DHX35: variants seen among roughly 807,000 people sequenced by gnomAD.
DHX35 encodes DEAH-box helicase 35.
Under a neutral mutation model 99.6 loss-of-function variants are expected in DHX35, and 84 were observed. That is an observed-to-expected ratio of 0.84 (90% CI 0.71 to 1.01). The LOEUF is 1.01. Ranked by LOEUF, DHX35 falls within the 50% of genes least tolerant of loss-of-function variation. The probability of loss-of-function intolerance (pLI) is 0.00; values close to 1 mark genes in which losing one functional copy is unlikely to be tolerated. For synonymous variants in DHX35, 331 were observed against 316.2 expected (o/e 1.05, Z -0.50); for missense variants, 852 against 888.5 (o/e 0.96, Z 0.52).
chr20:39,002,670 C>T (rs2086540570), intron 9 of DHX35, 102 bp from the exon 10 acceptor site: 7 of 999,142 alleles, frequency 7.0e-6, no homozygotes, highest in South Asian at 1.5e-5. Flanking sequence ...CTGGGCAGGC[C>T]CAAACTCACT....
chr20:38,967,979 C>T (rs182681955), intron 1 of DHX35, among the ~76,000 whole-genome samples: 28 of 152,212 alleles, frequency 1.8e-4, no homozygotes, highest in Admixed American at 1.6e-3. Flanking sequence ...GTCCCCCTTA[C>T]GTTGTCTTTA....
rs554008470 is a variant in DHX35, at chr20:39,023,422, G to A, written c.1594-268G>A. Among the ~76,000 whole-genome samples the A allele has an allele frequency of 1.6e-4, 25 of 152,068 alleles. No individual in the cohort carries two copies. The South Asian group carries it at 4.2e-3, about 25-fold the overall frequency. On this transcript the variant is annotated intron_variant, in intron 16 of 21. Coordinates refer to ENST00000252011, the MANE Select transcript of DHX35 (RefSeq NM_021931.4). ...CTCGCCCTGTTGCCTTGGTTGGAGC[G>A]CAGTGGTGCAAACATGGCTCCTGGG...
chr20:38,983,459 G>C (rs1488805133), intron 3 of DHX35, among the ~76,000 whole-genome samples: 1 of 152,206 alleles, frequency 6.6e-6, no homozygotes, highest in African/African-American at 2.4e-5. Flanking sequence ...TGGGGTGTCA[G>C]AATGCTGGAA....
intron 8 of DHX35, 106 bp downstream of exon 8, chr20:38,994,986 A>T: frequency 2.2e-6 from 2 of 927,168 alleles, no homozygotes; most frequent in South Asian, 3.0e-5. Context: ...AGAATGCCCT[A>T]TCTTCTTTAT....
At chr20:38,971,093 T>C (rs1446255845) in intron 2 of DHX35, among the ~76,000 whole-genome samples, 4 of 152,214 alleles carry the variant, frequency 2.6e-5, no homozygotes, top group Admixed American at 2.0e-4. Flanking sequence ...GGCTTACGGC[T>C]GTAATCCTAT....
At chr20:39,025,560 C>G (rs2086944361) in intron 18 of DHX35, among the ~76,000 whole-genome samples, 1 of 152,164 alleles carries the variant, frequency 6.6e-6, no homozygotes, top group East Asian at 1.9e-4. Context: ...ATTTTTCTTT[C>G]TGATGGGCAT....
At chr20:39,012,719 C>T (rs959886926) in intron 13 of DHX35, among the ~76,000 whole-genome samples, 5 of 152,052 alleles carry the variant, frequency 3.3e-5, no homozygotes, top group Admixed American at 6.6e-5. Context: ...TTAGTAGAGA[C>T]GGGGTTTTGC....
At chr20:38,980,511 G>GTTTTTTTTTTTTTTTT (rs397953645) in intron 3 of DHX35, among the ~76,000 whole-genome samples, 2 of 136,994 alleles carry the variant, frequency 1.5e-5, no homozygotes, top group Non-Finnish European at 1.6e-5. Flanking sequence ...TTATAGTTCT[G>GTTTTTTTTTTTTTTTT]TTTTTTTTTT....
rs115470856 is a variant in DHX35 at position 39,006,185 on chromosome 20, A to G, written c.1051A>G (p.Ile351Val). The G allele has an allele frequency of 2.8e-4, 452 of 1,614,182 alleles. 2 individuals carry two copies. The African/African-American group carries it at 5.5e-3, about 20-fold the overall frequency. Residue 351 changes from isoleucine (I) to valine (V), a missense_variant, in exon 12 of 22, where the codon ATC (isoleucine) becomes GTC (valine). Coordinates refer to ENST00000252011, the MANE Select transcript of DHX35 (RefSeq NM_021931.4). ...CAATGTGGCAGAAACCTCTATCACA[A>G]TCAGCGGCATTGTGTATGTGATCGA... is the stretch of plus-strand genomic sequence containing the variant. ...ATNVAETSIT[I>V]SGIVYVIDCG...
intron 12 of DHX35, among the ~76,000 whole-genome samples, chr20:39,008,558 G>T (rs1220157190): frequency 6.6e-6 from 1 of 152,168 alleles, no homozygotes; most frequent in Non-Finnish European, 1.5e-5. Context: ...AGTGGGGTTG[G>T]GGAGGGCCCC....
Position 38,988,799 on chromosome 20 carries a change from C to T in DHX35, c.346-14C>T, listed in dbSNP as rs1399809748. On this transcript the variant is annotated splice_polypyrimidine_tract_variant and intron_variant, in intron 4 of 21. Coordinates refer to ENST00000252011, the MANE Select transcript of DHX35 (RefSeq NM_021931.4). ...TCTATGTCTCTATTTTCAGCATGAT[C>T]TTTCTTCCCAAAGGTTGCAGGGAGA... 2 of 1,613,258 alleles carry T rather than the reference C, an allele frequency of 1.2e-6. No individual in the cohort carries two copies. The highest frequency in any genetic ancestry group is 1.7e-6 in the Non-Finnish European group (2 of 1,179,564).
chr20:38,988,668 T>C, intron 4 of DHX35, 145 bp from the exon 5 acceptor site: 2 of 1,155,418 alleles, frequency 1.7e-6, no homozygotes, highest in South Asian at 1.7e-5. Flanking sequence ...GTTATTATGC[T>C]TGTTCTCTAA....
At position 39,034,312 on chromosome 20, in the gene DHX35, G is replaced by A. The variant is rs377603908; in HGVS notation, c.2062G>A (p.Gly688Arg). ...LELAPHFYQQ[G>R]THLSLKAKRA... is the part of the protein sequence containing the mutation. ...GCTGGCTCCACACTTTTATCAACAA[G>A]GAACGGTAGGAATGAACTGAGTCTG... is the stretch of plus-strand genomic sequence containing the variant. The change falls in exon 21 of 22, where the codon GGA becomes AGA. Residue 688 changes from glycine to arginine, a missense_variant. By Grantham distance (125) the Gly-to-Arg change is moderately radical (BLOSUM62 -2). Coordinates refer to ENST00000252011, the MANE Select transcript of DHX35 (RefSeq NM_021931.4). The A allele has an allele frequency of 9.3e-6, 15 of 1,613,246 alleles. No individual in the cohort carries two copies. In the East Asian group the frequency reaches 2.0e-4, roughly 22 times the overall value.
At chr20:38,995,780 A>T (rs2086420056) in intron 8 of DHX35, among the ~76,000 whole-genome samples, 1 of 152,204 alleles carries the variant, frequency 6.6e-6, no homozygotes, top group African/African-American at 2.4e-5. Flanking sequence ...ACTTTCGCAG[A>T]GGTGGTGACC....
chr20:38,991,621 C>T, intron 6 of DHX35, 106 bp downstream of exon 6: 1 of 951,764 alleles, frequency 1.1e-6, no homozygotes, highest in South Asian at 1.7e-5. Context: ...TTCAGCTGCC[C>T]CAAAGCTTTT....
At chr20:39,024,172 G>A (rs1157561554) in intron 17 of DHX35, among the ~76,000 whole-genome samples, 3 of 152,226 alleles carry the variant, frequency 2.0e-5, no homozygotes, top group Non-Finnish European at 2.9e-5. Context: ...AGCTGTCCCA[G>A]CTGCCATGAG....
At chr20:39,000,819 A>ATTT (rs2086507136) in intron 8 of DHX35, among the ~76,000 whole-genome samples, 1 of 152,112 alleles carries the variant, frequency 6.6e-6, no homozygotes, top group Non-Finnish European at 1.5e-5. Flanking sequence ...CCCAGATTCA[A>ATTT]ATAATGGAGC....
At chr20:39,025,444 C>G (rs1292658295) in intron 18 of DHX35, 85 bp downstream of exon 18, 1 of 1,532,158 alleles carries the variant, frequency 6.5e-7, no homozygotes, top group Non-Finnish European at 8.8e-7. Flanking sequence ...TGGGCTGGTG[C>G]GAGGCAGTGT....
rs372239377 is a variant in DHX35 at position 39,001,613 on chromosome 20, A to G, written c.643-117A>G. 4.8e-5 allele frequency: 33 copies of G among 686,160 alleles called. 1 individual carries two copies. The highest frequency in any genetic ancestry group is 4.5e-4 in the African/African-American group (25 of 55,426). The allele number at this position is 686,160 out of a possible 1,614,324, so 42.5% of individuals were successfully genotyped here. A position where few individuals can be genotyped will look rare whatever the true frequency, so the allele number is the denominator to read the frequency against. On this transcript the variant is annotated intron_variant, in intron 8 of 21. Coordinates refer to ENST00000252011, the MANE Select transcript of DHX35 (RefSeq NM_021931.4). Reference sequence around the variant, plus strand: ...TTGCAACCCATAATCTGTATTGCACATATATAATCTTGCTACTCACCTGTC... The same window carrying G: ...TTGCAACCCATAATCTGTATTGCACGTATATAATCTTGCTACTCACCTGTC...
Sources: gnomAD v4.1 joint callset for allele counts (sites outside exome capture counted in the v4.1 genomes callset) on GRCh38, gnomAD v4.1.1 for gene constraint, MANE v1.5 for transcripts, NCBI Gene and HGNC (gene_info 2026-07-23, HGNC 2026-07-21) for gene names.